The following EPHA3 variants were observed in gnomAD, a reference collection of about 807,000 sequenced individuals.
The protein encoded by EPHA3 is EPH receptor A3.
In EPHA3, 42 loss-of-function variants were observed where a neutral mutation model predicts 107.1. The observed-to-expected ratio is 0.39, with a 90% CI of 0.31 to 0.51. EPHA3 has a LOEUF of 0.51. Ranked by LOEUF, EPHA3 falls within the 20% of genes least tolerant of loss-of-function variation. The probability of loss-of-function intolerance (pLI) is 0.78; values close to 1 mark genes in which losing one functional copy is unlikely to be tolerated. For missense variants in EPHA3, 1,183 were observed against 1,211.2 expected (o/e 0.98, Z 0.35); for synonymous variants, 461 against 424.8 (o/e 1.09, Z -1.05).
chr3:89,211,648 T>A (rs1245421662), intron 3 of EPHA3, among the ~76,000 whole-genome samples: 1 of 63,626 alleles, frequency 1.6e-5, no homozygotes, highest in Non-Finnish European at 4.4e-5. Flanking sequence ...ACAGAATAAA[T>A]TCCTCTTCCT....
intron 2 of EPHA3, among the ~76,000 whole-genome samples, chr3:89,130,361 C>T (rs1469216194): frequency 6.6e-6 from 1 of 152,128 alleles, no homozygotes; most frequent in Non-Finnish European, 1.5e-5. Flanking sequence ...ATATTCTCAT[C>T]AGAAGCTCTA....
At chr3:89,347,476 C>G (rs1463801349) in intron 5 of EPHA3, among the ~76,000 whole-genome samples, 7 of 148,876 alleles carry the variant, frequency 4.7e-5, no homozygotes, top group Non-Finnish European at 7.5e-5. Context: ...TATCCTGAGA[C>G]TTTGCTGAAG....
intron 2 of EPHA3, among the ~76,000 whole-genome samples, chr3:89,201,155 T>A (rs1442812649): frequency 6.6e-6 from 1 of 152,144 alleles, no homozygotes; most frequent in Non-Finnish European, 1.5e-5. Flanking sequence ...GAAGCCAGCA[T>A]ATCCTACATG....
chr3:89,422,630 G>T (rs767657547), intron 11 of EPHA3, among the ~76,000 whole-genome samples: 1 of 151,396 alleles, frequency 6.6e-6, no homozygotes, highest in African/African-American at 2.4e-5. Context: ...GCAAAGAACT[G>T]TGCAAATCTA....
At chr3:89,116,791 A>G (rs1486231927) in intron 1 of EPHA3, among the ~76,000 whole-genome samples, 1 of 150,824 alleles carries the variant, frequency 6.6e-6, no homozygotes, top group African/African-American at 2.4e-5. Flanking sequence ...AGCTATTGGC[A>G]TATTTTCCAT....
intron 7 of EPHA3, among the ~76,000 whole-genome samples, chr3:89,404,791 G>A (rs916397151): frequency 8.5e-5 from 13 of 152,108 alleles, no homozygotes; most frequent in African/African-American, 2.9e-4. Flanking sequence ...TCCTATCATA[G>A]TTCCCTTCCC....
intron 3 of EPHA3, among the ~76,000 whole-genome samples, chr3:89,282,650 T>C (rs1364619082): frequency 6.6e-6 from 1 of 152,092 alleles, no homozygotes; most frequent in African/African-American, 2.4e-5. Context: ...TTATTGATAT[T>C]CTTAAAAGAT....
In EPHA3 at chr3:89,351,116, AG is replaced by A. The variant is rs1337209572; in HGVS notation, c.1306+9028del. Among the ~76,000 whole-genome samples the A allele has an allele frequency of 3.3e-5, 5 of 151,360 alleles. No homozygotes were observed. The East Asian group carries it at 7.8e-4, about 24-fold the overall frequency. The stretch of plus-strand genomic sequence containing the variant: ...AGAGGTGGAGCCTACAGTGGCAGGC[AG>A]GACTCCTTGAACTGTGGTGGGCTCC... On this transcript the variant is annotated intron_variant, in intron 5 of 16. Transcript: ENST00000336596.
At chr3:89,281,810 G>A (rs1705954730) in intron 3 of EPHA3, among the ~76,000 whole-genome samples, 1 of 152,086 alleles carries the variant, frequency 6.6e-6, no homozygotes. Context: ...GAACAGGGAA[G>A]GTGCCACACT....
At chr3:89,244,461 A>G (rs1258440966) in intron 3 of EPHA3, among the ~76,000 whole-genome samples, 2 of 152,150 alleles carry the variant, frequency 1.3e-5, no homozygotes, top group African/African-American at 2.4e-5. Flanking sequence ...CAGTTAAAAA[A>G]AGATGAGTAC....
At chr3:89,392,465 C>T (rs757592740) in intron 5 of EPHA3, among the ~76,000 whole-genome samples, 8 of 151,688 alleles carry the variant, frequency 5.3e-5, no homozygotes, top group Non-Finnish European at 1.2e-4. Context: ...GCTATCAGGT[C>T]ATTTACTGGC....
intron 1 of EPHA3, among the ~76,000 whole-genome samples, chr3:89,112,922 C>G (rs563956815): frequency 6.6e-6 from 1 of 151,966 alleles, no homozygotes; most frequent in Non-Finnish European, 1.5e-5. Flanking sequence ...TTTTAGCCTG[C>G]ACATTTTTTC....
At chr3:89,196,790 G>A (rs1227505699) in intron 2 of EPHA3, among the ~76,000 whole-genome samples, 3 of 151,956 alleles carry the variant, frequency 2.0e-5, no homozygotes, top group Admixed American at 2.0e-4. Context: ...TTTTTGTACT[G>A]GGAGTGGCAA....
intron 5 of EPHA3, among the ~76,000 whole-genome samples, chr3:89,378,393 T>C (rs903796179): frequency 1.2e-4 from 19 of 152,184 alleles, no homozygotes; most frequent in African/African-American, 4.1e-4. Context: ...TTTACAATGA[T>C]TTTACAACTA....
intron 7 of EPHA3, 47 bp from the exon 8 acceptor site, chr3:89,407,222 G>A: frequency 7.3e-7 from 1 of 1,365,078 alleles, no homozygotes; most frequent in Non-Finnish European, 1.0e-6. Context: ...GTAGATGTTA[G>A]TCATGATTAT....
chr3:89,365,604 C>G lies in EPHA3; in HGVS notation c.1306+23514C>G, dbSNP rs574208697. On this transcript the variant is annotated intron_variant, in intron 5 of 16. Coordinates refer to ENST00000336596, the MANE Select transcript of EPHA3 (RefSeq NM_005233.6). ...CACCATTGCTTGTTAGTACTCAGTT[C>G]TGTGTCAAGAATTCCAGAAAAAATA... Among the ~76,000 whole-genome samples, 3 of 150,734 alleles carry G rather than the reference C, an allele frequency of 2.0e-5. No homozygotes were observed. The South Asian group carries it at 6.3e-4, about 32-fold the overall frequency.
chr3:89,432,496 C>T (rs1709588683), intron 13 of EPHA3, among the ~76,000 whole-genome samples: 1 of 152,048 alleles, frequency 6.6e-6, no homozygotes, highest in African/African-American at 2.4e-5. Context: ...AGTGATTCTC[C>T]CGGGCTCAAG....
intron 11 of EPHA3, among the ~76,000 whole-genome samples, chr3:89,422,366 CACA>C (rs1362249540): frequency 6.6e-6 from 1 of 151,380 alleles, no homozygotes; most frequent in African/African-American, 2.4e-5. Context: ...CACACACACA[CACA>C]ACTAGAGTGA....
intron 13 of EPHA3, among the ~76,000 whole-genome samples, chr3:89,434,203 A>ATTATTTAT (rs550736069): frequency 6.6e-6 from 1 of 151,962 alleles, no homozygotes; most frequent in Non-Finnish European, 1.5e-5. Context: ...GCCATATTAA[A>ATTATTTAT]TTATTTATTT....
Sources: gnomAD v4.1 joint callset for allele counts (sites outside exome capture counted in the v4.1 genomes callset) on GRCh38, gnomAD v4.1.1 for gene constraint, MANE v1.5 for transcripts, NCBI Gene and HGNC (gene_info 2026-07-23, HGNC 2026-07-21) for gene names.